The following GPM6A variants were observed in gnomAD, a reference collection of about 807,000 sequenced individuals.
GPM6A encodes the protein glycoprotein M6A.
In GPM6A, 7 loss-of-function variants were observed where a neutral mutation model predicts 32.1. That is an observed-to-expected ratio of 0.22 (90% confidence interval 0.12 to 0.41). The LOEUF (loss-of-function observed/expected upper bound fraction) is 0.41, where lower values mean the gene tolerates loss of function less well. Ranked by LOEUF, GPM6A falls within the 10% of genes least tolerant of loss-of-function variation. The pLI is 1.00. For missense variants in GPM6A, 235 were observed against 347.2 expected, an observed-to-expected ratio of 0.68 and a Z score of 2.57; for synonymous variants, 130 against 123.4, an observed-to-expected ratio of 1.05 and a Z score of -0.35.
At chr4:175,748,262 G>A (rs1046853162) in intron 1 of GPM6A, among the ~76,000 whole-genome samples, 12 of 152,242 alleles carry the variant, frequency 7.9e-5, no homozygotes, top group East Asian at 3.9e-4. Flanking sequence ...CTAGATTGGC[G>A]AATACTCTCC....
chr4:175,668,519 A>ATGTGTGTGTGTGTGTGTG (rs56106172), intron 3 of GPM6A, among the ~76,000 whole-genome samples: 22,910 of 139,214 alleles, frequency 0.16, 2,351 homozygotes, highest in Non-Finnish European at 0.22. Context: ...TCAAACGTTT[A>ATGTGTGTGTGTGTGTGTG]TGTGTGTGTG....
At chr4:175,948,774 A>T (rs986315893) in intron 1 of GPM6A, among the ~76,000 whole-genome samples, 14 of 152,196 alleles carry the variant, frequency 9.2e-5, no homozygotes, top group African/African-American at 3.4e-4. Flanking sequence ...CCACAAAGTT[A>T]TGCTATGGAC....
chr4:175,869,958 T>C (rs1197774343), intron 1 of GPM6A, among the ~76,000 whole-genome samples: 2 of 152,194 alleles, frequency 1.3e-5, no homozygotes, highest in African/African-American at 4.8e-5. Flanking sequence ...CAAGGTCACA[T>C]AGCTAATAAT....
At chr4:175,635,635 C>G (rs1020183933) in intron 6 of GPM6A, among the ~76,000 whole-genome samples, 4 of 152,056 alleles carry the variant, frequency 2.6e-5, no homozygotes, top group Admixed American at 2.6e-4. Context: ...TATATACATT[C>G]ACAAAAACTG....
chr4:175,950,502 T>C (rs1303546468), intron 1 of GPM6A, among the ~76,000 whole-genome samples: 1 of 152,190 alleles, frequency 6.6e-6, no homozygotes, highest in Non-Finnish European at 1.5e-5. Flanking sequence ...GGTTTAACCA[T>C]GACTTTCCAG....
chr4:175,857,966 G>A (rs924426105), intron 1 of GPM6A, among the ~76,000 whole-genome samples: 4 of 151,848 alleles, frequency 2.6e-5, no homozygotes, highest in African/African-American at 7.2e-5. Context: ...ATTTATAATA[G>A]CATCAAAAAA....
At position 175,970,934 on chromosome 4, in the gene GPM6A, T is replaced by C. The variant is rs1480579161; in HGVS notation, c.-23+31375A>G. The C allele has an allele frequency of 1.1e-5, 5 of 455,924 alleles. No individual in the cohort carries two copies. The Admixed American group carries it at 1.2e-4, about 11-fold the overall frequency. The allele number at this position is 455,924 out of a possible 1,614,324, so 28.2% of individuals were successfully genotyped here. Reference sequence around the variant, plus strand: ...TTTTTCCCAACTGAAGAACACAGGGTGCGGTACAGAGATGGACGCCAGAGC... The same window carrying C: ...TTTTTCCCAACTGAAGAACACAGGGCGCGGTACAGAGATGGACGCCAGAGC... On this transcript the variant is annotated intron_variant, in intron 1 of 7. Coordinates refer to the GPM6A transcript ENST00000280187.
chr4:175,867,611 G>C (rs1446192139), intron 1 of GPM6A, among the ~76,000 whole-genome samples: 4 of 152,066 alleles, frequency 2.6e-5, no homozygotes, highest in Admixed American at 6.6e-5. Flanking sequence ...TAAACTATTT[G>C]TTGCCATTGA....
At chr4:175,951,175 T>A (rs557121434) in intron 1 of GPM6A, among the ~76,000 whole-genome samples, 1 of 152,258 alleles carries the variant, frequency 6.6e-6, no homozygotes, top group South Asian at 2.1e-4. Context: ...GAACTCCCCA[T>A]GGAATGAAAA....
intron 2 of GPM6A, among the ~76,000 whole-genome samples, chr4:175,690,208 T>C (rs969026535): frequency 6.6e-6 from 1 of 152,226 alleles, no homozygotes; most frequent in African/African-American, 2.4e-5. Flanking sequence ...TTTCGTTCAA[T>C]TGAAACATAT....
intron 1 of GPM6A, among the ~76,000 whole-genome samples, chr4:175,779,102 T>G (rs1733512304): frequency 6.6e-6 from 1 of 152,166 alleles, no homozygotes; most frequent in African/African-American, 2.4e-5. Flanking sequence ...CCAGAAATGC[T>G]TATGGAAATG....
At chr4:175,849,426 G>A (rs747073845) in intron 1 of GPM6A, among the ~76,000 whole-genome samples, 10 of 152,156 alleles carry the variant, frequency 6.6e-5, no homozygotes, top group African/African-American at 1.2e-4. Flanking sequence ...CGTAGAGGTT[G>A]ACCCAGTGCC....
At chr4:175,746,825 T>C (rs1412593653) in intron 1 of GPM6A, among the ~76,000 whole-genome samples, 1 of 152,190 alleles carries the variant, frequency 6.6e-6, no homozygotes, top group Non-Finnish European at 1.5e-5. Context: ...CTGTGGATTA[T>C]CAATATAATA....
At chr4:175,927,013 C>T (rs1456231295) in intron 1 of GPM6A, among the ~76,000 whole-genome samples, 1 of 152,182 alleles carries the variant, frequency 6.6e-6, no homozygotes, top group East Asian at 1.9e-4. Flanking sequence ...ATATTGTTCA[C>T]TTTATCTAAT....
At chr4:175,653,562 A>G (rs992046168) in intron 3 of GPM6A, among the ~76,000 whole-genome samples, 5 of 152,194 alleles carry the variant, frequency 3.3e-5, no homozygotes, top group African/African-American at 1.2e-4. Flanking sequence ...GCTGAATATT[A>G]ATTTATTTAA....
chr4:175,962,175 C>T, intron 1 of GPM6A: 1 of 1,023,224 alleles, frequency 9.8e-7, no homozygotes, highest in East Asian at 2.4e-5. Flanking sequence ...GGTGATCGAG[C>T]ACCTGCTTTC....
At chr4:175,654,716 T>C (rs1741985988) in intron 3 of GPM6A, among the ~76,000 whole-genome samples, 1 of 152,150 alleles carries the variant, frequency 6.6e-6, no homozygotes, top group African/African-American at 2.4e-5. Flanking sequence ...AGAAATCTTC[T>C]TAAAAGAACA....
chr4:175,805,145 A>G (rs1210974756), intron 1 of GPM6A, among the ~76,000 whole-genome samples: 2 of 152,188 alleles, frequency 1.3e-5, no homozygotes, highest in Non-Finnish European at 2.9e-5. Flanking sequence ...TTCAAAAAAA[A>G]AAGCTGTCAA....
rs1216366348 is a variant in GPM6A, at chr4:175,701,733, G to GC, written c.71dup (p.Ile25HisfsTer25). ...TGGCAATCAGAGAGGCATAGGGAAT[G>GC]CCCCCCAGGCATTTGATACAGCATT... is the stretch of plus-strand genomic sequence containing the variant. On this transcript the variant is annotated frameshift_variant, in exon 2 of 7. Transcript: ENST00000393658. LOFTEE classifies it high-confidence loss of function. 6.2e-7 allele frequency: 1 copy of GC among 1,613,102 alleles called. No individual in the cohort carries two copies. Among genetic ancestry groups the GC allele is most frequent in the Non-Finnish European group, 8.5e-7 (1 of 1,179,264 alleles).
Sources: allele counts gnomAD v4.1 joint callset (sites outside exome capture counted in the v4.1 genomes callset), GRCh38; gene constraint gnomAD v4.1.1; transcripts MANE v1.5; gene names NCBI Gene and HGNC (gene_info 2026-07-23, HGNC 2026-07-21).